Variants in MYH7 observed in about 807,000 individuals in gnomAD.
The protein encoded by MYH7 is myosin heavy chain 7, also known as myosin-7.
Under a neutral mutation model 225.4 loss-of-function variants are expected in MYH7, and 129 were observed. The ratio of observed to expected loss-of-function variants is 0.57; its 90% CI spans 0.50 to 0.66. The LOEUF is 0.66. MYH7 is among the 30% of genes least tolerant of loss of function. The pLI is 0.00. For missense variants in MYH7, 1,649 were observed against 2,517.0 expected, an observed-to-expected ratio of 0.66 and a Z score of 7.38; for synonymous variants, 971 against 1,007.6, an observed-to-expected ratio of 0.96 and a Z score of 0.69.
At chr14:23,432,094 T>C (rs1014763693) in intron 6 of MYH7, among the ~76,000 whole-genome samples, 5 of 152,196 alleles carry the variant, frequency 3.3e-5, no homozygotes, top group African/African-American at 1.2e-4. Flanking sequence ...GCTGAGCCTG[T>C]GCTTGGCTGG....
rs761548214 is a variant in MYH7 at position 23,415,733 on chromosome 14, G to T, written c.5053C>A (p.Leu1685Met). The T allele has an allele frequency of 6.2e-7, 1 of 1,614,078 alleles. No individual in the cohort carries two copies. Among genetic ancestry groups the T allele is most frequent in the South Asian group, 1.1e-5 (1 of 91,082 alleles). ...ERRNNLLQAE[L>M]EELRAVVEQT... ...TCCACCACGGCACGCAACTCCTCCA[G>T]CTCAGCCTGCAGCAGGTTGTTGCGC... Residue 1685 changes from leucine (L) to methionine (M), a missense_variant, in exon 35 of 40, where the codon CTG (leucine) becomes ATG (methionine). Leu to Met is a conservative substitution (Grantham distance 15). Coordinates refer to ENST00000355349, the MANE Select transcript of MYH7 (RefSeq NM_000257.4). This position sits in a 1 kb window ranked among gnomAD's most constrained non-coding sequence, Gnocchi z 6.3.
chr14:23,427,234 A>G lies in MYH7; in HGVS notation c.1956+6T>C. 1.2e-6 allele frequency: 2 copies of G among 1,613,416 alleles called. No homozygotes were observed. The highest frequency in any genetic ancestry group is 1.7e-6 in the Non-Finnish European group (2 of 1,179,980). ...GCCAAGTTGGCTGGGGCTGTGTCCC[A>G]CTCACCCTGTGCAGAGCTGACACAG... is the stretch of plus-strand genomic sequence containing the variant. On this transcript the variant is annotated splice_donor_region_variant and intron_variant, in intron 17 of 39. Transcript: ENST00000355349.
rs727503263 is a variant in MYH7 at position 23,426,810 on chromosome 14, G to A, written c.2011C>T (p.Arg671Cys). 6.2e-7 allele frequency: 1 copy of A among 1,614,146 alleles called. No homozygotes were observed. Among genetic ancestry groups the A allele is most frequent in the Non-Finnish European group, 8.5e-7 (1 of 1,180,022 alleles). Residue 671 changes from arginine (R) to cysteine (C), a missense_variant, in exon 18 of 40, where the codon CGT becomes TGT. By Grantham distance (180) the Arg-to-Cys change is radical. Coordinates refer to ENST00000355349, the MANE Select transcript of MYH7 (RefSeq NM_000257.4). Reference protein sequence around the residue: ...NLRSTHPHFVRCIIPNETKSP... With the variant: ...NLRSTHPHFVCCIIPNETKSP... ...TTTGTCTCATTAGGGATGATACAAC[G>A]TACAAAGTGGGGATGGGTGGAGCGC... is the stretch of plus-strand genomic sequence containing the variant.
chr14:23,430,741 G>T, intron 10 of MYH7, 78 bp from the exon 11 acceptor site: 2 of 1,369,558 alleles, frequency 1.5e-6, no homozygotes, highest in Non-Finnish European at 2.1e-6. Flanking sequence ...CACATGGCCT[G>T]AGGAAGAGCA....
rs538927682 is a variant in MYH7 at position 23,427,505 on chromosome 14, T to C, written c.1888+80A>G. 99 of 1,548,108 alleles carry C rather than the reference T, an allele frequency of 6.4e-5. No individual in the cohort carries two copies. In the African/African-American group the frequency reaches 1.2e-3, roughly 19 times the overall value. On this transcript the variant is annotated intron_variant, in intron 16 of 39. Coordinates refer to ENST00000355349, the MANE Select transcript of MYH7 (RefSeq NM_000257.4). ...GGGGTACAACCTGACATTGAAGTGG[T>C]GGGGTGTAGCAATTGACCTGGCTCA...
rs759226950 is a variant in MYH7, at chr14:23,427,658, G to C, written c.1815C>G (p.Val605=). Residue 605 remains valine (V), a synonymous_variant, in exon 16 of 40, where the codon GTC becomes GTG. Coordinates refer to ENST00000355349, the MANE Select transcript of MYH7 (RefSeq NM_000257.4). ...GGGAAGACTTCTGATACAAGCCCACGACAGTCTCATTGAGAGGATCCTTGT... is the reference window on the plus strand; with the variant it reads ...GGGAAGACTTCTGATACAAGCCCACCACAGTCTCATTGAGAGGATCCTTGT... ...QKNKDPLNET[V]VGLYQKSSLK... 2 of 1,614,184 alleles carry C rather than the reference G, an allele frequency of 1.2e-6. No homozygotes were observed. The highest frequency in any genetic ancestry group is 4.5e-5 in the East Asian group (2 of 44,884).
At position 23,431,623 on chromosome 14, in the gene MYH7, T is replaced by C; in HGVS notation, c.694A>G (p.Asn232Asp). ...TTGTCGTTCCGGACGGTCTTGGCATTGCCAAAGGCCTCCAGAGCAGGGTTG... is the reference window on the plus strand; with the variant it reads ...TTGTCGTTCCGGACGGTCTTGGCATCGCCAAAGGCCTCCAGAGCAGGGTTG... Reference protein sequence around the residue: ...QANPALEAFGNAKTVRNDNSS... With the variant: ...QANPALEAFGDAKTVRNDNSS... The change falls in exon 8 of 40, where the codon AAT (asparagine) becomes GAT (aspartate). Residue 232 changes from asparagine to aspartate, a missense_variant. This residue lies in a region of MYH7 where 131 missense variants were observed against 231.3 expected (regional missense o/e 0.57). Transcript: ENST00000355349. 6.2e-7 allele frequency: 1 copy of C among 1,614,228 alleles called. No individual in the cohort carries two copies. Among genetic ancestry groups the C allele is most frequent in the Non-Finnish European group, 8.5e-7 (1 of 1,180,028 alleles).
intron 39 of MYH7, among the ~76,000 whole-genome samples, chr14:23,413,128 C>A (rs2138633769): frequency 6.6e-6 from 1 of 152,142 alleles, no homozygotes; most frequent in South Asian, 2.1e-4. Context: ...TCTGGGATGT[C>A]CATTTTAGGT....
rs371212384 is a variant in MYH7, at chr14:23,419,309, A to C, written c.3854-14T>G. ...GGGACAGCTCACCTGGGGAAGCACC[A>C]TTCTAGATCAGCACTCCTCTCTATC... On this transcript the variant is annotated splice_polypyrimidine_tract_variant and intron_variant, in intron 28 of 39. Coordinates refer to ENST00000355349, the MANE Select transcript of MYH7 (RefSeq NM_000257.4). The C allele has an allele frequency of 6.2e-6, 10 of 1,613,904 alleles. No individual in the cohort carries two copies. The African/African-American group carries it at 1.2e-4, about 19-fold the overall frequency.
chr14:23,417,152 C>G lies in MYH7; in HGVS notation c.4519+1G>C, dbSNP rs876661374. ...CCCAGCCTCTTGGGCCCCCAGCACA[C>G]CCTGCAGGTTTTTGTTCTCCCGCTT... On this transcript the variant is annotated splice_donor_variant, in intron 32 of 39. Transcript: ENST00000355349. LOFTEE classifies it high-confidence loss of function. 2 of 1,614,052 alleles carry G rather than the reference C, an allele frequency of 1.2e-6. No individual in the cohort carries two copies. Among genetic ancestry groups the G allele is most frequent in the Admixed American group, 1.7e-5 (1 of 60,008 alleles).
intron 39 of MYH7, among the ~76,000 whole-genome samples, chr14:23,413,422 A>G (rs939680719): frequency 6.6e-6 from 1 of 152,152 alleles, no homozygotes; most frequent in Non-Finnish European, 1.5e-5. Flanking sequence ...ACTAAAATAT[A>G]AAAATTAGCT....
intron 22 of MYH7, 82 bp downstream of exon 22, chr14:23,424,687 G>T (rs190621534): frequency 6.6e-5 from 106 of 1,599,544 alleles, no homozygotes; most frequent in Non-Finnish European, 8.7e-5. Flanking sequence ...AAGACAGTGA[G>T]CCCCTGTGCA....
intron 17 of MYH7, 141 bp from the exon 18 acceptor site, chr14:23,427,005 G>T: frequency 1.1e-6 from 1 of 873,078 alleles, no homozygotes; most frequent in Non-Finnish European, 1.9e-6. Flanking sequence ...GGGGCAGACA[G>T]GGATAAGGAG....
At position 23,429,783 on chromosome 14, in the gene MYH7, C is replaced by A; in HGVS notation, c.1130G>T (p.Gly377Val). 1 of 1,612,586 alleles carries A rather than the reference C, an allele frequency of 6.2e-7. No homozygotes were observed. Among genetic ancestry groups the A allele is most frequent in the Non-Finnish European group, 8.5e-7 (1 of 1,180,026 alleles). The change falls in exon 12 of 40, where the codon GGC becomes GTC. Residue 377 changes from glycine (G) to valine (V), a missense_variant. Gly to Val is a moderately radical substitution (Grantham distance 109). Around this residue, in one of 12 missense-constraint regions of MYH7, gnomAD observed 131 missense variants for 231.3 expected, o/e 0.57. Transcript: ENST00000355349. ...GAATCCCTGCCTCCCACCTTCAGTG[C>A]CGTCTGGCTCCGCCTGCTCCTCCCG... ...KQREEQAEPD[G>V]TEEADKSAYL...
In MYH7 at chr14:23,425,103, A is replaced by G. The variant is rs1429150696; in HGVS notation, c.2424-79T>C. ...GGTCCTGAAACCTTGGGAATATCCCATTTCCTTCATCCCTCCCACCCTTCC... is the reference window on the plus strand; with the variant it reads ...GGTCCTGAAACCTTGGGAATATCCCGTTTCCTTCATCCCTCCCACCCTTCC... On this transcript the variant is annotated intron_variant, in intron 21 of 39. Coordinates refer to ENST00000355349, the MANE Select transcript of MYH7 (RefSeq NM_000257.4). This position sits in a 1 kb window ranked among gnomAD's most constrained non-coding sequence, Gnocchi z 4.6. 1 of 1,611,028 alleles carries G rather than the reference A, an allele frequency of 6.2e-7. No individual in the cohort carries two copies. Among genetic ancestry groups the G allele is most frequent in the Non-Finnish European group, 8.5e-7 (1 of 1,178,340 alleles).
chr14:23,427,187 G>A lies in MYH7; in HGVS notation c.1956+53C>T, dbSNP rs1269844895. On this transcript the variant is annotated intron_variant, in intron 17 of 39. Transcript: ENST00000355349. ...AACAAGGCAGGGAAGGGTGGGGCTG[G>A]GTGGGGTTGGGCAGATGGGGAGCCA... 5.1e-6 allele frequency: 8 copies of A among 1,575,744 alleles called. No individual in the cohort carries two copies. In the East Asian group the frequency reaches 1.3e-4, roughly 26 times the overall value.
intron 10 of MYH7, 33 bp from the exon 11 acceptor site, chr14:23,430,696 A>G: frequency 6.4e-7 from 1 of 1,573,296 alleles, no homozygotes; most frequent in Non-Finnish European, 8.7e-7. Flanking sequence ...GGTGGGACAC[A>G]AGCCCCCGGC....
At chr14:23,435,274 G>A (rs1053138376) in intron 1 of MYH7, among the ~76,000 whole-genome samples, 1 of 151,886 alleles carries the variant, frequency 6.6e-6, no homozygotes, top group Non-Finnish European at 1.5e-5. Flanking sequence ...GTTCACAGAC[G>A]TGATCATACA....
Position 23,432,486 on chromosome 14 carries a change from G to A in MYH7, c.523C>T (p.Leu175=), listed in dbSNP as rs756407787. 4.3e-6 allele frequency: 7 copies of A among 1,614,030 alleles called. No individual in the cohort carries two copies. The highest frequency in any genetic ancestry group is 4.0e-5 in the African/African-American group (3 of 74,908). Residue 175 remains leucine (L), a synonymous_variant, in exon 6 of 40, where the codon CTG becomes TTG. Coordinates refer to ENST00000355349, the MANE Select transcript of MYH7 (RefSeq NM_000257.4). ...AGTAGCAGCTACACTCACGTGATCAGGATGGACTGGTTTTCTCTGTCTGTG... is the reference window on the plus strand; with the variant it reads ...AGTAGCAGCTACACTCACGTGATCAAGATGGACTGGTTTTCTCTGTCTGTG... ...MLTDRENQSI[L]ITGESGAGKT... is the part of the protein sequence containing the mutation.
Sources: allele counts gnomAD v4.1 joint callset (sites outside exome capture counted in the v4.1 genomes callset), GRCh38; gene constraint gnomAD v4.1.1; regional missense constraint gnomAD v4.1.1; non-coding constraint Gnocchi (gnomAD v3.1); transcripts MANE v1.5; gene names NCBI Gene and HGNC (gene_info 2026-07-23, HGNC 2026-07-21).